HRNR: variants seen among roughly 807,000 people sequenced by gnomAD.
HRNR encodes the protein filaggrin family member 3.
HRNR carries 7 observed loss-of-function variants against 4.8 expected under a neutral mutation model. The ratio of observed to expected loss-of-function variants is 1.47; its 90% CI spans 0.83 to 2.75. HRNR has a LOEUF of 2.75. Ranked by LOEUF, HRNR falls within the 30% of genes most tolerant of loss-of-function variation. The probability of loss-of-function intolerance (pLI) is 0.00; values close to 1 mark genes in which losing one functional copy is unlikely to be tolerated. For synonymous variants in HRNR, 1,023 were observed against 1,242.7 expected, an observed-to-expected ratio of 0.82 and a Z score of 3.72; for missense variants, 2,879 against 3,010.4, an observed-to-expected ratio of 0.96 and a Z score of 1.02.
In HRNR at chr1:152,219,083, C is replaced by T. The variant is rs148822488; in HGVS notation, c.2546G>A (p.Gly849Glu). 3.7e-6 allele frequency: 6 copies of T among 1,613,554 alleles called. No individual in the cohort carries two copies. The highest frequency in any genetic ancestry group is 5.1e-6 in the Non-Finnish European group (6 of 1,179,936). ...ATGTTGGCCGGAGCTTGATGACTGCCCTGACGTAGATCCATGTCGTCCCTG... is the reference window on the plus strand; with the variant it reads ...ATGTTGGCCGGAGCTTGATGACTGCTCTGACGTAGATCCATGTCGTCCCTG... ...SSQGRHGSTS[G>E]QSSSSGQHDS... Residue 849 changes from glycine (G) to glutamate (E), a missense_variant, in exon 3 of 3, where the codon GGG becomes GAG. Around this residue, in one of 8 missense-constraint regions of HRNR, gnomAD observed 2,646 missense variants for 1,377.7 expected, o/e 1.92. Transcript: ENST00000368801.
chr1:152,218,591 C>T lies in HRNR; in HGVS notation c.3038G>A (p.Arg1013Gln), dbSNP rs372592483. The T allele has an allele frequency of 5.3e-5, 86 of 1,613,490 alleles. 1 individual carries two copies. Among genetic ancestry groups the T allele is most frequent in the Admixed American group, 2.7e-4 (16 of 59,984 alleles). The part of the protein sequence containing the change: ...SGQSPSPSRG[R>Q]HGSGSGQSSS... ...AGACTGCCCGGAACCAGACCCATGT[C>T]GGCCACGGCTAGGGCTAGGAGACTG... The change falls in exon 3 of 3, where the codon CGA (arginine) becomes CAA (glutamine). Residue 1013 changes from arginine (R) to glutamine (Q), a missense_variant. By Grantham distance (43) the Arg-to-Gln change is conservative. Transcript: ENST00000368801.
At position 152,219,324 on chromosome 1, in the gene HRNR, C is replaced by T. The variant is rs773991174; in HGVS notation, c.2305G>A (p.Gly769Arg). 7.4e-6 allele frequency: 12 copies of T among 1,613,552 alleles called. No individual in the cohort carries two copies. The Admixed American group carries it at 1.8e-4, about 25-fold the overall frequency. The change falls in exon 3 of 3, where the codon GGG becomes AGG. Residue 769 changes from glycine (G) to arginine (R), a missense_variant. Around this residue, in one of 8 missense-constraint regions of HRNR, gnomAD observed 2,646 missense variants for 1,377.7 expected, o/e 1.92. Coordinates refer to ENST00000368801, the MANE Select transcript of HRNR (RefSeq NM_001009931.3). ...SHQSSGHGRQ[G>R]SGSGHSPSRV... is the part of the protein sequence containing the mutation. ...CTAGGAGAGTGGCCAGATCCAGACC[C>T]TTGTCGGCCGTGGCCCGAAGATTGA...
At position 152,218,661 on chromosome 1, in the gene HRNR, A is replaced by G; in HGVS notation, c.2968T>C (p.Ser990Pro). The G allele has an allele frequency of 6.2e-7, 1 of 1,613,758 alleles. No homozygotes were observed. ...TGGCCGTGGCCCAAAGACTGACGGG[A>G]GCCAGACCCATGCTGACCATAGCTG... ...SSSYGQHGSG[S>P]RQSLGHGQHG... The change falls in exon 3 of 3, where the codon TCC becomes CCC. Residue 990 changes from serine to proline, a missense_variant. Transcript: ENST00000368801.
chr1:152,221,740 T>A (rs892966787), intron 2 of HRNR, among the ~76,000 whole-genome samples: 6 of 152,216 alleles, frequency 3.9e-5, no homozygotes, highest in Non-Finnish European at 5.9e-5. Flanking sequence ...GGGCTGATTA[T>A]TTTTGGTAAA....
rs750750547 is a variant in HRNR at position 152,219,339 on chromosome 1, C to T, written c.2290G>A (p.Gly764Ser). The change falls in exon 3 of 3, where the codon GGC (glycine) becomes AGC (serine). Residue 764 changes from glycine to serine, a missense_variant. By Grantham distance (56) the Gly-to-Ser change is moderately conservative. Coordinates refer to ENST00000368801, the MANE Select transcript of HRNR (RefSeq NM_001009931.3). ...QHGSGSHQSS[G>S]HGRQGSGSGH... is the part of the protein sequence containing the mutation. ...GATCCAGACCCTTGTCGGCCGTGGC[C>T]CGAAGATTGATGGGAGCCCGACCCA... The T allele has an allele frequency of 5.6e-6, 9 of 1,612,248 alleles. No individual in the cohort carries two copies. The highest frequency in any genetic ancestry group is 1.1e-5 in the South Asian group (1 of 90,992).
chr1:152,213,058 T>A lies in HRNR; in HGVS notation c.*18A>T. The A allele has an allele frequency of 6.3e-7, 1 of 1,592,042 alleles. No individual in the cohort carries two copies. The highest frequency in any genetic ancestry group is 8.6e-7 in the Non-Finnish European group (1 of 1,168,812). ...TTCTTAAATTGCTACTTGAGTAAAT[T>A]GCATTTATGTTTATTATTCACTGAT... On this transcript the variant is annotated 3_prime_UTR_variant, in exon 3 of 3. Transcript: ENST00000368801.
rs999231454 is a variant in HRNR, at chr1:152,219,753, G to T, written c.1876C>A (p.His626Asn). The change falls in exon 3 of 3, where the codon CAT (histidine) becomes AAT (asparagine). Residue 626 changes from histidine (H) to asparagine (N), a missense_variant. Physicochemically the swap from His to Asn is moderately conservative, Grantham distance 68. Transcript: ENST00000368801. ...GAAGACTGACCTGAGGTAGCTCCAT[G>T]TTGGCCACAGCTCGATGACTGTCCT... ...TSGQSSSCGQHGATSGQSSSH... is the reference protein window; with the variant it reads ...TSGQSSSCGQNGATSGQSSSH... The T allele has an allele frequency of 7.4e-6, 12 of 1,613,504 alleles. No individual in the cohort carries two copies. In the African/African-American group the frequency reaches 9.3e-5, roughly 13 times the overall value.
chr1:152,219,828 C>T lies in HRNR; in HGVS notation c.1801G>A (p.Gly601Arg), dbSNP rs377306906. Residue 601 changes from glycine (G) to arginine (R), a missense_variant, in exon 3 of 3, where the codon GGA becomes AGA. Physicochemically the swap from Gly to Arg is moderately radical, Grantham distance 125. This residue lies in a region of HRNR where 2,646 missense variants were observed against 1,377.7 expected (regional missense o/e 1.92). Coordinates refer to ENST00000368801, the MANE Select transcript of HRNR (RefSeq NM_001009931.3). ...SGQSSGYGQH[G>R]SSSGHSSTHG... Reference sequence around the variant, plus strand: ...GTAGAGGAATGACCCGAGCTAGATCCGTGTTGACCGTAGCCAGAGGACTGT... The same window carrying T: ...GTAGAGGAATGACCCGAGCTAGATCTGTGTTGACCGTAGCCAGAGGACTGT... 79 of 1,611,862 alleles carry T rather than the reference C, an allele frequency of 4.9e-5. No individual in the cohort carries two copies. Among genetic ancestry groups the T allele is most frequent in the Non-Finnish European group, 5.9e-5 (70 of 1,178,662 alleles).
Position 152,219,356 on chromosome 1 carries a change from C to A in HRNR, c.2273G>T (p.Gly758Val), listed in dbSNP as rs1212336398. ...GCCGTGGCCCGAAGATTGATGGGAG[C>A]CCGACCCATGCTGACCATAGCTGGA... ...LSSSYGQHGSGSHQSSGHGRQ... is the reference protein window; with the variant it reads ...LSSSYGQHGSVSHQSSGHGRQ... Residue 758 changes from glycine to valine, a missense_variant, in exon 3 of 3, where the codon GGC (glycine) becomes GTC (valine). By Grantham distance (109) the Gly-to-Val change is moderately radical (BLOSUM62 -3). Coordinates refer to ENST00000368801, the MANE Select transcript of HRNR (RefSeq NM_001009931.3). The A allele has an allele frequency of 6.2e-7, 1 of 1,612,364 alleles. No homozygotes were observed. Among genetic ancestry groups the A allele is most frequent in the Non-Finnish European group, 8.5e-7 (1 of 1,179,714 alleles).
Position 152,219,747 on chromosome 1 carries a change from C to T in HRNR, c.1882G>A (p.Ala628Thr), listed in dbSNP as rs201307852. ...GQSSSCGQHGATSGQSSSHGQ... is the reference protein window; with the variant it reads ...GQSSSCGQHGTTSGQSSSHGQ... ...TGGCTGGAAGACTGACCTGAGGTAG[C>T]TCCATGTTGGCCACAGCTCGATGAC... Residue 628 changes from alanine (A) to threonine (T), a missense_variant, in exon 3 of 3, where the codon GCT becomes ACT. Physicochemically the swap from Ala to Thr is moderately conservative, Grantham distance 58 (BLOSUM62 0). This residue lies in a region of HRNR where 2,646 missense variants were observed against 1,377.7 expected (regional missense o/e 1.92). Coordinates refer to ENST00000368801, the MANE Select transcript of HRNR (RefSeq NM_001009931.3). The T allele has an allele frequency of 4.8e-5, 78 of 1,612,910 alleles. No homozygotes were observed. Among genetic ancestry groups the T allele is most frequent in the Non-Finnish European group, 6.4e-5 (76 of 1,179,542 alleles).
In HRNR at chr1:152,220,291, A is replaced by C. The variant is rs1364850844; in HGVS notation, c.1338T>G (p.Phe446Leu). Residue 446 changes from phenylalanine to leucine, a missense_variant, in exon 3 of 3, where the codon TTT becomes TTG. Transcript: ENST00000368801. ...SPSSGQHGTG[F>L]GRSSSSGPYV... Reference sequence around the variant, plus strand: ...ATGGGCCACTGCTGGAAGATCGACCAAAGCCAGTCCCATGTTGGCCGGAGC... The same window carrying C: ...ATGGGCCACTGCTGGAAGATCGACCCAAGCCAGTCCCATGTTGGCCGGAGC... The C allele has an allele frequency of 4.3e-6, 7 of 1,613,746 alleles. No homozygotes were observed. The highest frequency in any genetic ancestry group is 5.9e-6 in the Non-Finnish European group (7 of 1,179,906).
chr1:152,219,550 A>C lies in HRNR; in HGVS notation c.2079T>G (p.Ser693=), dbSNP rs781676073. 3.7e-6 allele frequency: 6 copies of C among 1,613,770 alleles called. No homozygotes were observed. The highest frequency in any genetic ancestry group is 5.1e-6 in the Non-Finnish European group (6 of 1,179,956). Residue 693 remains serine (S), a synonymous_variant, in exon 3 of 3, where the codon TCT becomes TCG. Transcript: ENST00000368801. Reference sequence around the variant, plus strand: ...CAAAGCCGGAAGACTGGCCTGAGACAGACCCATGTGGGCCATTGCTTGAAG... The same window carrying C: ...CAAAGCCGGAAGACTGGCCTGAGACCGACCCATGTGGGCCATTGCTTGAAG... ...GWSSSNGPHG[S]VSGQSSGFGH...
chr1:152,212,856 A>T lies in HRNR; in HGVS notation c.*220T>A. On this transcript the variant is annotated 3_prime_UTR_variant, in exon 3 of 3. Coordinates refer to ENST00000368801, the MANE Select transcript of HRNR (RefSeq NM_001009931.3). Reference sequence around the variant, plus strand: ...ATTCTAACAAGTTATTCCACTCAGTATTTTCTAACAAAGTAGCACAAATGC... The same window carrying T: ...ATTCTAACAAGTTATTCCACTCAGTTTTTTCTAACAAAGTAGCACAAATGC... 3.2e-6 allele frequency: 2 copies of T among 623,762 alleles called. No individual in the cohort carries two copies. Among genetic ancestry groups the T allele is most frequent in the Non-Finnish European group, 5.5e-6 (2 of 366,946 alleles). 38.6% of individuals were successfully genotyped at this position (623,762 alleles called of 1,614,324 possible).
In HRNR at chr1:152,223,213, A is replaced by G; in HGVS notation, c.41T>C (p.Val14Ala). Residue 14 changes from valine to alanine, a missense_variant, in exon 2 of 3, where the codon GTT becomes GCT. Physicochemically the swap from Val to Ala is moderately conservative, Grantham distance 64. Around this residue, in one of 8 missense-constraint regions of HRNR, gnomAD observed 2,646 missense variants for 1,377.7 expected, o/e 1.92. Transcript: ENST00000368801. ...LLQGVITVID[V>A]FYQYATQHGE... ...ATGCTGGGTGGCATATTGGTAGAAAACATCGATGACAGTGATGACGCCTTG... is the reference window on the plus strand; with the variant it reads ...ATGCTGGGTGGCATATTGGTAGAAAGCATCGATGACAGTGATGACGCCTTG... 6.2e-7 allele frequency: 1 copy of G among 1,613,612 alleles called. No homozygotes were observed. The highest frequency in any genetic ancestry group is 8.5e-7 in the Non-Finnish European group (1 of 1,179,824).
rs1648796234 is a variant in HRNR, at chr1:152,218,976, A to G, written c.2653T>C (p.Ser885Pro). The G allele has an allele frequency of 3.7e-6, 6 of 1,608,698 alleles. No homozygotes were observed. Among genetic ancestry groups the G allele is most frequent in the Non-Finnish European group, 5.1e-6 (6 of 1,179,880 alleles). ...TGGCCTGGAGACTGGCCAGATCCAGAGCCATGTCGGCCGCGGCCCGAAGCG... is the reference window on the plus strand; with the variant it reads ...TGGCCTGGAGACTGGCCAGATCCAGGGCCATGTCGGCCGCGGCCCGAAGCG... Reference protein sequence around the residue: ...HHASGRGRHGSGSGQSPGHGQ... With the variant: ...HHASGRGRHGPGSGQSPGHGQ... Residue 885 changes from serine (S) to proline (P), a missense_variant, in exon 3 of 3, where the codon TCT (serine) becomes CCT (proline). Coordinates refer to ENST00000368801, the MANE Select transcript of HRNR (RefSeq NM_001009931.3).
chr1:152,219,097 A>T lies in HRNR; in HGVS notation c.2532T>A (p.His844Gln), dbSNP rs749475801. ...ASGHFSSQGR[H>Q]GSTSGQSSSS... is the part of the protein sequence containing the mutation. ...TTGATGACTGCCCTGACGTAGATCC[A>T]TGTCGTCCCTGGCTAGAGAAGTGAC... is the stretch of plus-strand genomic sequence containing the variant. The change falls in exon 3 of 3, where the codon CAT (histidine) becomes CAA (glutamine). Residue 844 changes from histidine to glutamine, a missense_variant. By Grantham distance (24) the His-to-Gln change is conservative. This residue lies in a region of HRNR where 2,646 missense variants were observed against 1,377.7 expected (regional missense o/e 1.92). Transcript: ENST00000368801. The T allele has an allele frequency of 1.9e-6, 3 of 1,613,102 alleles. No individual in the cohort carries two copies. The highest frequency in any genetic ancestry group is 2.5e-6 in the Non-Finnish European group (3 of 1,179,806).
intron 2 of HRNR, 26 bp downstream of exon 2, chr1:152,223,090 A>T: frequency 1.2e-6 from 2 of 1,610,754 alleles, no homozygotes; most frequent in Non-Finnish European, 1.7e-6. Flanking sequence ...TTCCTGCATA[A>T]CTCCATCCTG....
At position 152,220,103 on chromosome 1, in the gene HRNR, G is replaced by C; in HGVS notation, c.1526C>G (p.Ser509Cys). The C allele has an allele frequency of 6.2e-7, 1 of 1,613,710 alleles. No homozygotes were observed. The highest frequency in any genetic ancestry group is 2.2e-5 in the East Asian group (1 of 44,862). The change falls in exon 3 of 3, where the codon TCT becomes TGT. Residue 509 changes from serine (S) to cysteine (C), a missense_variant. Transcript: ENST00000368801. ...ATAGCTGGAAGATGAACCTGCACTA[G>C]ATCCTTGTCGTTCACCCCTAGATGA... The part of the protein sequence containing the change: ...GQSSRGERQG[S>C]SAGSSSSYGQ...
intron 2 of HRNR, among the ~76,000 whole-genome samples, chr1:152,222,607 T>A (rs1214486141): frequency 6.6e-6 from 1 of 152,156 alleles, no homozygotes; most frequent in East Asian, 1.9e-4. Flanking sequence ...TGGGGAAGAT[T>A]ATGAGATTCA....
Sources: gnomAD v4.1 joint callset for allele counts (sites outside exome capture counted in the v4.1 genomes callset) on GRCh38, gnomAD v4.1.1 for gene constraint, gnomAD v4.1.1 regional missense constraint, MANE v1.5 for transcripts, NCBI Gene and HGNC (gene_info 2026-07-23, HGNC 2026-07-21) for gene names.